The following RBM47 variants were observed in gnomAD, a reference collection of about 807,000 sequenced individuals.
RBM47 encodes RNA binding motif protein 47.
In RBM47, 21 loss-of-function variants were observed where a neutral mutation model predicts 47.1. The observed-to-expected ratio is 0.45, with a 90% CI of 0.32 to 0.64. RBM47 has a LOEUF of 0.64. Among genes scored for constraint, RBM47 ranks in the 30% least tolerant of loss-of-function variants. The pLI is 0.05. For synonymous variants in RBM47, 375 were observed against 361.7 expected (o/e 1.04, Z -0.42); for missense variants, 708 against 870.9 (o/e 0.81, Z 2.35).
chr4:40,504,220 G>A (rs780375576), intron 2 of RBM47, among the ~76,000 whole-genome samples: 5 of 151,842 alleles, frequency 3.3e-5, no homozygotes, highest in African/African-American at 4.8e-5. Context: ...TATTTGTGTG[G>A]CCACCAGGCA....
chr4:40,486,596 G>A (rs1008357125), intron 2 of RBM47, among the ~76,000 whole-genome samples: 6 of 152,174 alleles, frequency 3.9e-5, no homozygotes, highest in African/African-American at 9.7e-5. Flanking sequence ...TCAGGAGTTC[G>A]AGACCAGACT....
At chr4:40,522,429 T>C (rs1726288127) in intron 2 of RBM47, among the ~76,000 whole-genome samples, 1 of 152,106 alleles carries the variant, frequency 6.6e-6, no homozygotes. Context: ...CTCTTGAACC[T>C]GGGAGGCAGA....
At chr4:40,621,137 T>G (rs1737231606) in intron 1 of RBM47, among the ~76,000 whole-genome samples, 1 of 152,194 alleles carries the variant, frequency 6.6e-6, no homozygotes. Context: ...GCCTTTTTTT[T>G]ACTGCAAAGA....
intron 2 of RBM47, among the ~76,000 whole-genome samples, chr4:40,479,249 T>C (rs1404878344): frequency 2.6e-5 from 4 of 152,184 alleles, no homozygotes; most frequent in Non-Finnish European, 5.9e-5. Context: ...CATTGTCATA[T>C]CTGAAATGAG....
chr4:40,440,992 C>A (rs1224718243), intron 3 of RBM47, among the ~76,000 whole-genome samples: 2 of 152,056 alleles, frequency 1.3e-5, no homozygotes, highest in African/African-American at 4.8e-5. Flanking sequence ...GGCTTCTATT[C>A]TTATTATTTT....
At chr4:40,433,981 AGTGTGTGTGTGTGGGGCGGGG>A (rs756272920) in intron 5 of RBM47, among the ~76,000 whole-genome samples, 5 of 103,210 alleles carry the variant, frequency 4.8e-5, no homozygotes, top group Non-Finnish European at 7.4e-5. Context: ...CTTTTGTGTG[AGTGTGTGTGTGTGGGGCGGGG>A]GTGTGTGTGT....
intron 1 of RBM47, among the ~76,000 whole-genome samples, chr4:40,595,577 A>G (rs1338362668): frequency 1.3e-5 from 2 of 152,050 alleles, no homozygotes; most frequent in East Asian, 1.9e-4. Context: ...CACCCTATCA[A>G]TTCTTTATCA....
chr4:40,434,800 C>T (rs1712069182), intron 5 of RBM47, among the ~76,000 whole-genome samples: 1 of 151,676 alleles, frequency 6.6e-6, no homozygotes, highest in African/African-American at 2.4e-5. Context: ...CAATGTGTAC[C>T]TATGTCCCAA....
In RBM47 at chr4:40,527,061, G is replaced by A. The variant is rs139635586; in HGVS notation, c.-155+17361C>T. Among the ~76,000 whole-genome samples, 868 of 152,096 alleles carry A rather than the reference G, an allele frequency of 5.7e-3. 15 individuals carry two copies. The highest frequency in any genetic ancestry group is 0.02 in the African/African-American group (840 of 41,504). Reference sequence around the variant, plus strand: ...GTGGCAGAGAATTTAATCTGGAAATGCTAGGCTTATATCTTTGAAAAATTA... The same window carrying A: ...GTGGCAGAGAATTTAATCTGGAAATACTAGGCTTATATCTTTGAAAAATTA... On this transcript the variant is annotated intron_variant, in intron 2 of 6. Coordinates refer to ENST00000295971, the MANE Select transcript of RBM47 (RefSeq NM_001098634.2).
At chr4:40,594,443 G>C (rs1233771256) in intron 1 of RBM47, among the ~76,000 whole-genome samples, 6 of 152,178 alleles carry the variant, frequency 3.9e-5, no homozygotes, top group African/African-American at 1.4e-4. Context: ...GACACAGCTT[G>C]GTCTCGAAAG....
chr4:40,530,689 T>A (rs1002256729), intron 2 of RBM47, among the ~76,000 whole-genome samples: 1 of 152,256 alleles, frequency 6.6e-6, no homozygotes, highest in African/African-American at 2.4e-5. Context: ...ATAATTATTA[T>A]AATCTGGATG....
intron 1 of RBM47, among the ~76,000 whole-genome samples, chr4:40,587,601 T>C (rs918986046): frequency 3.9e-5 from 6 of 152,276 alleles, no homozygotes; most frequent in Non-Finnish European, 2.9e-5. Context: ...AAATAACACA[T>C]TGGAGGAATG....
At chr4:40,610,270 G>C (rs1736141106) in intron 1 of RBM47, among the ~76,000 whole-genome samples, 1 of 152,044 alleles carries the variant, frequency 6.6e-6, no homozygotes, top group Non-Finnish European at 1.5e-5. Flanking sequence ...ATAATTGTAA[G>C]TACTTCATAG....
rs529054787 is a variant in RBM47 at position 40,555,080 on chromosome 4, C to T, written c.-239-10574G>A. ...CCTTCCCAGTAGCTGGGATTACAAG[C>T]GCCCGCCACCATGCCCAGTTAATTT... is the stretch of plus-strand genomic sequence containing the variant. On this transcript the variant is annotated intron_variant, in intron 1 of 6. Transcript: ENST00000295971. 3.0e-4 allele frequency among the ~76,000 whole-genome samples: 45 copies of T among 152,256 alleles called. No homozygotes were observed. In the East Asian group the frequency reaches 7.3e-3, roughly 25 times the overall value.
intron 6 of RBM47, 84 bp from the exon 7 acceptor site, chr4:40,426,227 AC>A: frequency 2.6e-6 from 4 of 1,513,190 alleles, no homozygotes; most frequent in Non-Finnish European, 3.5e-6. Context: ...CTCCCAGAAG[AC>A]GGGAATACAA....
chr4:40,501,151 C>T (rs965578553), intron 2 of RBM47, among the ~76,000 whole-genome samples: 13 of 152,030 alleles, frequency 8.6e-5, no homozygotes, highest in African/African-American at 2.9e-4. Context: ...CTTCATTTAT[C>T]GTGACGAGTA....
intron 1 of RBM47, among the ~76,000 whole-genome samples, chr4:40,627,652 A>T (rs1180001770): frequency 2.6e-5 from 4 of 152,256 alleles, no homozygotes; most frequent in Non-Finnish European, 5.9e-5. Flanking sequence ...TACCTAGAAC[A>T]GTAAACCAAA....
Position 40,432,765 on chromosome 4 carries a change from C to G in RBM47, c.1428G>C (p.Met476Ile). The G allele has an allele frequency of 1.2e-6, 2 of 1,613,446 alleles. No individual in the cohort carries two copies. Among genetic ancestry groups the G allele is most frequent in the African/African-American group, 1.3e-5 (1 of 74,988 alleles). The change falls in exon 6 of 7, where the codon ATG (methionine) becomes ATC (isoleucine). Residue 476 changes from methionine to isoleucine, a missense_variant. Physicochemically the swap from Met to Ile is conservative, Grantham distance 10. Coordinates refer to ENST00000295971, the MANE Select transcript of RBM47 (RefSeq NM_001098634.2). The part of the protein sequence containing the change: ...EDGKIHTVEH[M>I]ISPIAVQPDP... ...CTGGCTGCACAGCAATGGGGCTGAT[C>G]ATGTGCTCCACTGTGTGGATTTTGC...
At chr4:40,490,760 G>GA (rs1193055198) in intron 2 of RBM47, among the ~76,000 whole-genome samples, 1 of 151,280 alleles carries the variant, frequency 6.6e-6, no homozygotes, top group African/African-American at 2.4e-5. Context: ...AAAAAAGAGA[G>GA]AAAAAAAATC....
Sources: allele counts gnomAD v4.1 joint callset (sites outside exome capture counted in the v4.1 genomes callset), GRCh38; gene constraint gnomAD v4.1.1; transcripts MANE v1.5; gene names NCBI Gene and HGNC (gene_info 2026-07-23, HGNC 2026-07-21).